The following WNK1 variants were observed in gnomAD, a reference collection of about 807,000 sequenced individuals.
WNK1 encodes the protein serine/threonine-protein kinase WNK1.
WNK1 carries 38 observed loss-of-function variants against 222.8 expected under a neutral mutation model. That is an observed-to-expected ratio of 0.17 (90% CI 0.13 to 0.22). WNK1 has a LOEUF of 0.22. Ranked by LOEUF, WNK1 falls within the 10% of genes least tolerant of loss-of-function variation. The pLI is 1.00. For synonymous variants in WNK1, 1,090 were observed against 1,092.9 expected, an observed-to-expected ratio of 1.00 and a Z score of 0.05; for missense variants, 2,348 against 2,918.4, an observed-to-expected ratio of 0.80 and a Z score of 4.50.
chr12:794,431 A>G (rs1206466511), intron 1 of WNK1, among the ~76,000 whole-genome samples: 2 of 151,838 alleles, frequency 1.3e-5, no homozygotes, highest in Non-Finnish European at 2.9e-5. Context: ...GGTTAAGCAT[A>G]ATGTTAGCTG....
chr12:840,260 T>G (rs1949521061), intron 4 of WNK1, among the ~76,000 whole-genome samples: 1 of 150,760 alleles, frequency 6.6e-6, no homozygotes, highest in Non-Finnish European at 1.5e-5. Context: ...TCTGAATCGC[T>G]AGGACTACAG....
rs1407591832 is a variant in WNK1 at position 855,103 on chromosome 12, A to G, written c.1312-2058A>G. On this transcript the variant is annotated intron_variant, in intron 4 of 27. Coordinates refer to ENST00000315939, the MANE Select transcript of WNK1 (RefSeq NM_018979.4). Reference sequence around the variant, plus strand: ...CATTCATTTTTTTCTTGCATTTCCTATTTTCATAAGTCTTAAGTTTGAAAT... The same window carrying G: ...CATTCATTTTTTTCTTGCATTTCCTGTTTTCATAAGTCTTAAGTTTGAAAT... 5.3e-5 allele frequency among the ~76,000 whole-genome samples: 8 copies of G among 152,222 alleles called. No individual in the cohort carries two copies. In the East Asian group the frequency reaches 1.5e-3, roughly 29 times the overall value.
intron 1 of WNK1, among the ~76,000 whole-genome samples, chr12:794,384 G>C (rs1344944255): frequency 6.6e-6 from 1 of 152,118 alleles, no homozygotes; most frequent in Non-Finnish European, 1.5e-5. Context: ...AGCGAATGAG[G>C]GTTCCAATTT....
intron 4 of WNK1, among the ~76,000 whole-genome samples, chr12:832,024 A>G (rs1224414832): frequency 6.6e-6 from 1 of 151,770 alleles, no homozygotes; most frequent in East Asian, 1.9e-4. Flanking sequence ...TCAATTGCTT[A>G]TTTAGATTTT....
rs1952124977 is a variant in WNK1 at position 871,303 on chromosome 12, C to G, written c.2178C>G (p.Ser726Arg). ...GQSQGQPSSS[S>R]LTGVSSSQPI... is the part of the protein sequence containing the mutation. ...GCCAGGGTCAGCCATCCTCAAGTAGCTTAACAGGGGTTTCATCTTCCCAAC... is the reference window on the plus strand; with the variant it reads ...GCCAGGGTCAGCCATCCTCAAGTAGGTTAACAGGGGTTTCATCTTCCCAAC... The change falls in exon 9 of 28, where the codon AGC becomes AGG. Residue 726 changes from serine (S) to arginine (R), a missense_variant. Ser to Arg is a moderately radical substitution (Grantham distance 110). This residue lies in a region of WNK1 where 547 missense variants were observed against 558.3 expected (regional missense o/e 0.98). Transcript: ENST00000315939. 6.2e-7 allele frequency: 1 copy of G among 1,614,054 alleles called. No individual in the cohort carries two copies. Among genetic ancestry groups the G allele is most frequent in the African/African-American group, 1.3e-5 (1 of 74,928 alleles).
intron 4 of WNK1, among the ~76,000 whole-genome samples, chr12:851,224 A>C (rs547203631): frequency 3.1e-4 from 47 of 152,292 alleles, no homozygotes; most frequent in African/African-American, 1.0e-3. Flanking sequence ...CACTTTGTTC[A>C]TTGAACTCAA....
chr12:809,243 A>AAT (rs1555103397), intron 1 of WNK1, among the ~76,000 whole-genome samples: 2,864 of 104,500 alleles, frequency 0.027, 148 homozygotes, highest in African/African-American at 0.096. Context: ...AAAAAAAAAA[A>AAT]TTTTTTTTTT....
chr12:887,319 G>A lies in WNK1; in HGVS notation c.5364+15G>A, dbSNP rs766611766. The A allele has an allele frequency of 2.5e-6, 4 of 1,613,720 alleles. No homozygotes were observed. Among genetic ancestry groups the A allele is most frequent in the Non-Finnish European group, 3.4e-6 (4 of 1,179,746 alleles). On this transcript the variant is annotated intron_variant, in intron 20 of 27. Coordinates refer to ENST00000315939, the MANE Select transcript of WNK1 (RefSeq NM_018979.4). ...CTCTAACCCAGGTGCCTCAAGACTT[G>A]ACAAATTTCTTCCTGTGCCCTACTT...
chr12:856,230 C>T (rs1950779493), intron 4 of WNK1, among the ~76,000 whole-genome samples: 1 of 151,592 alleles, frequency 6.6e-6, no homozygotes, highest in Non-Finnish European at 1.5e-5. Context: ...GGCGGATCAC[C>T]TGAGGTCAGG....
At chr12:764,944 T>C (rs1001249448) in intron 1 of WNK1, among the ~76,000 whole-genome samples, 2 of 147,322 alleles carry the variant, frequency 1.4e-5, no homozygotes, top group African/African-American at 4.9e-5. Context: ...GTTCAAGCAA[T>C]TCTGCCTCAG....
chr12:772,848 C>G (rs1008600167), intron 1 of WNK1, among the ~76,000 whole-genome samples: 2 of 152,138 alleles, frequency 1.3e-5, no homozygotes, highest in Non-Finnish European at 2.9e-5. Context: ...AAAGTCCATT[C>G]ACTGCTTCGC....
At chr12:869,178 A>C in intron 8 of WNK1, 1 of 1,550,468 alleles carries the variant, frequency 6.4e-7, no homozygotes, top group Non-Finnish European at 8.9e-7. Flanking sequence ...TCTATTCCTT[A>C]TTTCCCTGAA....
At chr12:758,548 C>CT (rs1565385849) in intron 1 of WNK1, among the ~76,000 whole-genome samples, 2 of 142,248 alleles carry the variant, frequency 1.4e-5, no homozygotes, top group Non-Finnish European at 3.1e-5. Flanking sequence ...CCACCGTGCC[C>CT]GGCTAATTTT....
At chr12:879,470 C>G in intron 10 of WNK1, 103 bp from the exon 11 acceptor site, 12 of 658,260 alleles carry the variant, frequency 1.8e-5, no homozygotes, top group East Asian at 3.8e-5. Flanking sequence ...TTGTTTTTTC[C>G]TTCTTTTTGG....
rs764016007 is a variant in WNK1 at position 881,644 on chromosome 12, T to A, written c.3112-48T>A. On this transcript the variant is annotated intron_variant, in intron 12 of 27. Coordinates refer to ENST00000315939, the MANE Select transcript of WNK1 (RefSeq NM_018979.4). ...TAAGTAGATTATTGGGGATAGTGAA[T>A]GATAAATCTATTACTACCGAGATTT... 3.2e-5 allele frequency: 47 copies of A among 1,451,048 alleles called. No individual in the cohort carries two copies. In the East Asian group the frequency reaches 9.5e-4, roughly 29 times the overall value. 89.9% of individuals were successfully genotyped at this position (1,451,048 alleles called of 1,614,324 possible).
intron 26 of WNK1, chr12:906,242 G>A: frequency 2.2e-6 from 2 of 906,602 alleles, no homozygotes; most frequent in Non-Finnish European, 2.6e-6. Flanking sequence ...AGACAGTGGG[G>A]GGTAAGGAAA....
chr12:882,126 A>G, intron 14 of WNK1, 53 bp downstream of exon 14: 2 of 1,544,690 alleles, frequency 1.3e-6, no homozygotes, highest in Non-Finnish European at 1.8e-6. Flanking sequence ...TTGACACTGA[A>G]AAAGATTTTA....
At chr12:855,344 C>A (rs1486109083) in intron 4 of WNK1, among the ~76,000 whole-genome samples, 3 of 152,158 alleles carry the variant, frequency 2.0e-5, no homozygotes, top group African/African-American at 7.2e-5. Flanking sequence ...TACACAGTTC[C>A]TTGCTGTGAA....
intron 4 of WNK1, among the ~76,000 whole-genome samples, chr12:842,809 A>G (rs1300615292): frequency 1.3e-5 from 2 of 152,264 alleles, no homozygotes; most frequent in Non-Finnish European, 2.9e-5. Context: ...GTAATTGAAC[A>G]TAAGAACTTG....
Sources: gnomAD v4.1 joint callset for allele counts (sites outside exome capture counted in the v4.1 genomes callset) on GRCh38, gnomAD v4.1.1 for gene constraint, gnomAD v4.1.1 regional missense constraint, MANE v1.5 for transcripts, NCBI Gene and HGNC (gene_info 2026-07-23, HGNC 2026-07-21) for gene names.